The following KIF4A variants were observed in gnomAD, a reference collection of about 807,000 sequenced individuals.
KIF4A encodes the protein chromosome-associated kinesin KIF4A.
KIF4A carries 7 observed loss-of-function variants against 105.9 expected under a neutral mutation model. That is an observed-to-expected ratio of 0.07 (90% CI 0.04 to 0.12). The LOEUF is 0.12. KIF4A is among the 10% of genes least tolerant of loss of function. KIF4A has a pLI of 1.00. For synonymous variants in KIF4A, 281 were observed against 331.3 expected (o/e 0.85, Z 1.65); for missense variants, 558 against 929.2 (o/e 0.60, Z 5.19).
chrX:70,366,462 T>C (rs960917653), intron 15 of KIF4A, among the ~76,000 whole-genome samples: 5 of 112,232 alleles, frequency 4.5e-5, no homozygotes, highest in Admixed American at 3.8e-4. Flanking sequence ...TTTGTTCTCA[T>C]TGGTTTCAAA....
chrX:70,374,668 T>C (rs2086167833), intron 16 of KIF4A, among the ~76,000 whole-genome samples: 1 of 111,719 alleles, frequency 9.0e-6, no homozygotes, highest in South Asian at 3.8e-4. Flanking sequence ...ATGGAATTAA[T>C]GTCCAGGCTA....
intron 20 of KIF4A, among the ~76,000 whole-genome samples, chrX:70,388,904 T>C (rs1363794225): frequency 8.9e-6 from 1 of 112,248 alleles, no homozygotes; most frequent in East Asian, 2.8e-4. Context: ...GTTAATGCCA[T>C]CCAATTTATT....
intron 15 of KIF4A, among the ~76,000 whole-genome samples, chrX:70,360,962 C>T (rs1351164440): frequency 8.9e-6 from 1 of 112,714 alleles, no homozygotes. Flanking sequence ...TGGAAGGGCT[C>T]CCCATTTGCC....
chrX:70,386,667 A>G lies in KIF4A; in HGVS notation c.2084A>G (p.Lys695Arg). Reference sequence around the variant, plus strand: ...CTGAAACTTGAAAGAAACTTCCAGAAACAATCCAATGTGCTCAGACGTAAA... The same window carrying G: ...CTGAAACTTGAAAGAAACTTCCAGAGACAATCCAATGTGCTCAGACGTAAA... ...ELLKLERNFQKQSNVLRRKTE... is the reference protein window; with the variant it reads ...ELLKLERNFQRQSNVLRRKTE... Residue 695 changes from lysine to arginine, a missense_variant, in exon 19 of 31, where the codon AAA becomes AGA. Around this residue, in one of 2 missense-constraint regions of KIF4A, gnomAD observed 469 missense variants for 680.4 expected, o/e 0.69. Coordinates refer to ENST00000374403, the MANE Select transcript of KIF4A (RefSeq NM_012310.5). 8.3e-7 allele frequency: 1 copy of G among 1,209,542 alleles called. No individual in the cohort carries two copies. The highest frequency in any genetic ancestry group is 1.1e-6 in the Non-Finnish European group (1 of 893,349).
chrX:70,412,738 C>G (rs1269811939), intron 28 of KIF4A, among the ~76,000 whole-genome samples: 1 of 110,847 alleles, frequency 9.0e-6, no homozygotes. Context: ...GCCTGGGCAA[C>G]GTGGTGAAAC....
rs1435135187 is a variant in KIF4A, at chrX:70,343,967, G to T, written c.1416G>T (p.Leu472Phe). 4.2e-6 allele frequency: 5 copies of T among 1,203,023 alleles called. No homozygotes were observed. The highest frequency in any genetic ancestry group is 5.6e-6 in the Non-Finnish European group (5 of 887,964). The change falls in exon 13 of 31, where the codon TTG becomes TTT. Residue 472 changes from leucine (L) to phenylalanine (F), a missense_variant. Physicochemically the swap from Leu to Phe is conservative, Grantham distance 22. This residue lies in a region of KIF4A where 469 missense variants were observed against 680.4 expected (regional missense o/e 0.69). Coordinates refer to ENST00000374403, the MANE Select transcript of KIF4A (RefSeq NM_012310.5). ...NVEIICNLQQLITQLSDETVA... is the reference protein window; with the variant it reads ...NVEIICNLQQFITQLSDETVA... ...AGATAATTTGTAACCTGCAGCAATT[G>T]ATTACCCAGTTATCGGTAAGCCAAG...
At chrX:70,347,358 A>G (rs1474981419) in intron 13 of KIF4A, among the ~76,000 whole-genome samples, 1 of 112,317 alleles carries the variant, frequency 8.9e-6, no homozygotes, top group Non-Finnish European at 1.9e-5. Context: ...TTATTGTCAT[A>G]TATTTACATT....
chrX:70,386,460 T>C (rs2086217957), intron 18 of KIF4A, among the ~76,000 whole-genome samples, 158 bp from the exon 19 acceptor site: 1 of 112,038 alleles, frequency 8.9e-6, no homozygotes, highest in African/African-American at 3.2e-5. Context: ...ACATGGTTTC[T>C]AGAACTACGA....
intron 20 of KIF4A, among the ~76,000 whole-genome samples, chrX:70,388,250 C>A (rs935030390): frequency 3.6e-5 from 4 of 111,729 alleles, no homozygotes; most frequent in African/African-American, 6.5e-5. Flanking sequence ...TGCTGAGTGG[C>A]ATCCCATTCA....
chrX:70,374,151 G>A lies in KIF4A; in HGVS notation c.1675G>A (p.Asp559Asn). The change falls in exon 16 of 31, where the codon GAT becomes AAT. Residue 559 changes from aspartate to asparagine, a missense_variant and splice_region_variant. Physicochemically the swap from Asp to Asn is conservative, Grantham distance 23. This residue lies in a region of KIF4A where 469 missense variants were observed against 680.4 expected (regional missense o/e 0.69). Transcript: ENST00000374403. ...TCTCTTTGACCTATAACCTTTCTAG[G>A]ATAACATAAAAGAGCTAGAATTAGA... Reference protein sequence around the residue: ...QLQPIQYQYQDNIKELELEVI... With the variant: ...QLQPIQYQYQNNIKELELEVI... The A allele has an allele frequency of 8.8e-7, 1 of 1,139,254 alleles. No homozygotes were observed. Among genetic ancestry groups the A allele is most frequent in the Non-Finnish European group, 1.2e-6 (1 of 833,204 alleles). The allele number at this position is 1,139,254 out of a possible 1,213,427, so 93.9% of individuals were successfully genotyped here.
chrX:70,300,641 C>T (rs144405332), intron 5 of KIF4A, among the ~76,000 whole-genome samples: 196 of 111,532 alleles, frequency 1.8e-3, no homozygotes, highest in Middle Eastern at 0.014. Flanking sequence ...ATTATGAAGC[C>T]GGGCTAAAGA....
intron 16 of KIF4A, 140 bp downstream of exon 16, chrX:70,374,394 A>G (rs1041151628): frequency 1.2e-5 from 5 of 405,431 alleles, no homozygotes; most frequent in African/African-American, 2.5e-5. Flanking sequence ...AACACAAAAA[A>G]TGGTTAAATA....
At chrX:70,297,311 G>A in intron 4 of KIF4A, 123 bp downstream of exon 4, 2 of 612,194 alleles carry the variant, frequency 3.3e-6, no homozygotes, top group Admixed American at 7.5e-5. Flanking sequence ...AATTGATAGA[G>A]AAAACTTACT....
chrX:70,343,184 TA>T (rs1014595074), intron 11 of KIF4A, among the ~76,000 whole-genome samples: 3 of 109,428 alleles, frequency 2.7e-5, no homozygotes, highest in Admixed American at 9.8e-5. Flanking sequence ...TAGTATAACT[TA>T]AAAAAAAAAT....
chrX:70,362,541 A>AT (rs908032998), intron 15 of KIF4A, among the ~76,000 whole-genome samples: 1 of 111,180 alleles, frequency 9.0e-6, no homozygotes, highest in African/African-American at 3.3e-5. Context: ...GAAGAAATAA[A>AT]TTTTTTTTGA....
At chrX:70,319,211 C>G (rs373639741) in intron 7 of KIF4A, among the ~76,000 whole-genome samples, 1 of 111,275 alleles carries the variant, frequency 9.0e-6, no homozygotes, top group Admixed American at 9.6e-5. Flanking sequence ...TGCATTGAGC[C>G]GGGATTGCAC....
chrX:70,359,637 T>C (rs2086066323), intron 15 of KIF4A, among the ~76,000 whole-genome samples: 1 of 110,692 alleles, frequency 9.0e-6, no homozygotes, highest in Non-Finnish European at 1.9e-5. Flanking sequence ...TCAAGACAGC[T>C]GTCTGAGCAC....
At chrX:70,340,201 A>G (rs2085967028) in intron 10 of KIF4A, among the ~76,000 whole-genome samples, 1 of 112,078 alleles carries the variant, frequency 8.9e-6, no homozygotes, top group Admixed American at 9.5e-5. Flanking sequence ...GGATAACAGT[A>G]GAACTTACCT....
At chrX:70,414,131 CAATCTT>C (rs1037632035) in intron 28 of KIF4A, among the ~76,000 whole-genome samples, 17 of 111,593 alleles carry the variant, frequency 1.5e-4, no homozygotes, top group African/African-American at 5.5e-4. Context: ...TCTTTCAAAA[CAATCTT>C]AATATTTAAC....
Sources: gnomAD v4.1 joint callset for allele counts (sites outside exome capture counted in the v4.1 genomes callset) on GRCh38, gnomAD v4.1.1 for gene constraint, gnomAD v4.1.1 regional missense constraint, MANE v1.5 for transcripts, NCBI Gene and HGNC (gene_info 2026-07-23, HGNC 2026-07-21) for gene names.